LOC112694756: variants seen among roughly 807,000 people sequenced by gnomAD.
chr16:30,068,861 C>T, the LOC112694756 span: 32 of 1,614,230 alleles, frequency 2.0e-5, no homozygotes, highest in Admixed American at 1.3e-4. Flanking sequence ...ACAAGAAGGA[C>T]GGAGCTGACT....
the LOC112694756 span, among the ~76,000 whole-genome samples, chr16:30,065,048 C>T: frequency 6.6e-6 from 1 of 152,240 alleles, no homozygotes; most frequent in Non-Finnish European, 1.5e-5. Flanking sequence ...TTTTCTGTGG[C>T]GCAGAGGACT....
the LOC112694756 span, among the ~76,000 whole-genome samples, chr16:30,060,573 T>TA: frequency 5.3e-5 from 8 of 152,252 alleles, no homozygotes; most frequent in Non-Finnish European, 1.2e-4. Flanking sequence ...ATTAGCCAGT[T>TA]ATTAATGACA....
At chr16:30,069,008 T>TC in the LOC112694756 span, 2 of 1,613,984 alleles carry the variant, frequency 1.2e-6, no homozygotes, top group Non-Finnish European at 1.7e-6. Context: ...ATAGGCAACC[T>TC]CCTACCTCAT....
the LOC112694756 span, chr16:30,066,759 G>A: frequency 9.5e-7 from 1 of 1,050,348 alleles, no homozygotes; most frequent in East Asian, 2.6e-5. Context: ...CTGGCTCCGG[G>A]GTTGCTGTGT....
chr16:30,057,703 G>C, the LOC112694756 span, among the ~76,000 whole-genome samples: 1 of 152,144 alleles, frequency 6.6e-6, no homozygotes, highest in African/African-American at 2.4e-5. Context: ...GTTTGCCAGG[G>C]GCAGTCAGCA....
chr16:30,054,685 C>G, the LOC112694756 span: 2 of 398,492 alleles, frequency 5.0e-6, no homozygotes, highest in Non-Finnish European at 8.8e-6. Context: ...ATCTGGTGGC[C>G]GTTCCTCTCC....
At chr16:30,056,225 T>G in the LOC112694756 span, among the ~76,000 whole-genome samples, 1 of 145,204 alleles carries the variant, frequency 6.9e-6, no homozygotes, top group East Asian at 2.1e-4. Context: ...TTCTCCTGCC[T>G]CAGCCTCCTG....
chr16:30,058,021 G>A, the LOC112694756 span, among the ~76,000 whole-genome samples: 2 of 152,000 alleles, frequency 1.3e-5, no homozygotes, highest in Admixed American at 6.6e-5. Flanking sequence ...TGGGGATGCC[G>A]CCCCCTACCC....
the LOC112694756 span, chr16:30,069,055 A>G: frequency 1.9e-6 from 3 of 1,597,456 alleles, no homozygotes; most frequent in Non-Finnish European, 2.6e-6. Context: ...ATTACCTGCC[A>G]TGATGCCTAC....
chr16:30,061,286 C>T, the LOC112694756 span, among the ~76,000 whole-genome samples: 1 of 152,244 alleles, frequency 6.6e-6, no homozygotes, highest in Non-Finnish European at 1.5e-5. Context: ...CCTCTTCTTT[C>T]TTCTTTGCCT....
the LOC112694756 span, chr16:30,066,934 A>G: frequency 3.9e-6 from 6 of 1,550,802 alleles, no homozygotes; most frequent in East Asian, 2.4e-5. Context: ...CAGCTTCAAC[A>G]TGACCCACCT....
the LOC112694756 span, chr16:30,063,618 T>C: frequency 5.0e-6 from 2 of 398,168 alleles, no homozygotes; most frequent in Non-Finnish European, 8.8e-6. Context: ...CAGTACCCTC[T>C]GTTCCACTGG....
the LOC112694756 span, among the ~76,000 whole-genome samples, chr16:30,065,414 C>G: frequency 1.3e-5 from 2 of 152,176 alleles, no homozygotes; most frequent in Non-Finnish European, 2.9e-5. Context: ...CCTTCGTTTC[C>G]GACTTTTCCA....
At chr16:30,069,107 T>G in the LOC112694756 span, 1 of 1,471,064 alleles carries the variant, frequency 6.8e-7, no homozygotes, top group East Asian at 2.3e-5. Context: ...TGGAGGACAC[T>G]CAAGGGCTGT....
At chr16:30,055,203 C>A in the LOC112694756 span, 1 of 399,478 alleles carries the variant, frequency 2.5e-6, no homozygotes, top group East Asian at 3.6e-5. Context: ...GGTAGCTCCC[C>A]CTGCAGGAAG....
the LOC112694756 span, chr16:30,059,071 A>T: frequency 2.5e-6 from 1 of 398,360 alleles, no homozygotes; most frequent in Non-Finnish European, 4.4e-6. Flanking sequence ...ACTTAAAAGG[A>T]AAGCCAGGCA....
chr16:30,066,845 C>CTTTA, the LOC112694756 span: 1 of 1,532,012 alleles, frequency 6.5e-7, no homozygotes, highest in Non-Finnish European at 8.8e-7. Flanking sequence ...GATTCACGAT[C>CTTTA]TTTACATTCT....
At chr16:30,067,490 C>T in the LOC112694756 span, 2 of 1,613,598 alleles carry the variant, frequency 1.2e-6, no homozygotes, top group Non-Finnish European at 1.7e-6. Context: ...GCACCGAGAA[C>T]ACCGAGGAGA....
At chr16:30,069,558 G>A in the LOC112694756 span, 1 of 1,614,102 alleles carries the variant, frequency 6.2e-7, no homozygotes, top group East Asian at 2.2e-5. Context: ...AAGGCACCTT[G>A]CTGAAGCCCA....
Sources: allele counts gnomAD v4.1 joint callset (sites outside exome capture counted in the v4.1 genomes callset), GRCh38; gene constraint gnomAD v4.1.1; transcripts MANE v1.5.